The following NGB variants were observed in gnomAD, a reference collection of about 807,000 sequenced individuals.
NGB encodes neuroglobin, also known as nitrite reductase.
A neutral mutation model predicts 17.3 loss-of-function variants in NGB; 12 were observed. The ratio of observed to expected loss-of-function variants is 0.69; its 90% CI spans 0.45 to 1.13. The LOEUF (loss-of-function observed/expected upper bound fraction) is 1.13, where lower values mean the gene tolerates loss of function less well. Among genes scored for constraint, NGB ranks in the 50% most tolerant of loss-of-function variants. The pLI is 0.00. For synonymous variants in NGB, 87 were observed against 81.0 expected (o/e 1.07, Z -0.40); for missense variants, 195 against 191.7 (o/e 1.02, Z -0.10).
chr14:77,268,393 C>A lies in NGB; in HGVS notation c.321+73G>T. The A allele has an allele frequency of 7.2e-6, 11 of 1,520,246 alleles. No individual in the cohort carries two copies. The South Asian group carries it at 1.3e-4, about 18-fold the overall frequency. The allele number at this position is 1,520,246 out of a possible 1,614,324, so 94.2% of individuals were successfully genotyped here. ...TGGGAATGGGAGAGAGAACAGGTGG[C>A]AAGGGGAGGTCTGGGAGAGAGAAGT... On this transcript the variant is annotated intron_variant, in intron 3 of 3. Coordinates refer to ENST00000298352, the MANE Select transcript of NGB (RefSeq NM_021257.4).
Position 77,271,095 on chromosome 14 carries a change from C to T in NGB, c.-158G>A, listed in dbSNP as rs1254927096. On this transcript the variant is annotated 5_prime_UTR_variant, in exon 1 of 4. Transcript: ENST00000298352. ...GGGGCCGCAGCCGCTCCTTCCCTGG[C>T]GCGGGAGAGAAAAGGCGCGCGGCCA... is the stretch of plus-strand genomic sequence containing the variant. 5.6e-6 allele frequency: 3 copies of T among 538,718 alleles called. No individual in the cohort carries two copies. Among genetic ancestry groups the T allele is most frequent in the Non-Finnish European group, 9.4e-6 (3 of 318,440 alleles). The allele number at this position is 538,718 out of a possible 1,614,324, so 33.4% of individuals were successfully genotyped here.
intron 2 of NGB, 25 bp downstream of exon 2, chr14:77,269,190 C>A: frequency 7.0e-7 from 1 of 1,422,850 alleles, no homozygotes; most frequent in South Asian, 1.2e-5. Flanking sequence ...TCCCAGAGGT[C>A]ACAGCAGCTC....
rs1323190020 is a variant in NGB, at chr14:77,270,852, G to A, written c.86C>T (p.Ala29Val). The A allele has an allele frequency of 4.4e-6, 7 of 1,582,462 alleles. No individual in the cohort carries two copies. Among genetic ancestry groups the A allele is most frequent in the Non-Finnish European group, 6.0e-6 (7 of 1,170,424 alleles). The part of the protein sequence containing the change: ...SPLEHGTVLF[A>V]RLFALEPDLL... Reference sequence around the variant, plus strand: ...CGGGCGCTCGTGTAGCCCTCACCTGGCAAACAGGACGGTGCCGTGCTCCAG... The same window carrying A: ...CGGGCGCTCGTGTAGCCCTCACCTGACAAACAGGACGGTGCCGTGCTCCAG... Residue 29 changes from alanine to valine, a missense_variant, in exon 1 of 4, where the codon GCC (alanine) becomes GTC (valine). Coordinates refer to ENST00000298352, the MANE Select transcript of NGB (RefSeq NM_021257.4).
At position 77,270,948 on chromosome 14, in the gene NGB, G is replaced by T. The variant is rs1411257949; in HGVS notation, c.-11C>A. On this transcript the variant is annotated 5_prime_UTR_variant, in exon 1 of 4. Coordinates refer to ENST00000298352, the MANE Select transcript of NGB (RefSeq NM_021257.4). ...CTCCGGGCGCTCCATGCTGTCCCGG[G>T]GACGCGGAGCGCGGGGCTGGGACCC... 1 of 1,524,998 alleles carries T rather than the reference G, an allele frequency of 6.6e-7. No individual in the cohort carries two copies. Among genetic ancestry groups the T allele is most frequent in the Non-Finnish European group, 8.8e-7 (1 of 1,141,424 alleles). The allele number at this position is 1,524,998 out of a possible 1,614,324, so 94.5% of individuals were successfully genotyped here.
At chr14:77,270,436 C>G (rs1216876146) in intron 1 of NGB, among the ~76,000 whole-genome samples, 1 of 152,250 alleles carries the variant, frequency 6.6e-6, no homozygotes, top group Non-Finnish European at 1.5e-5. Flanking sequence ...TCTCCCTTCC[C>G]CGGCTCTCGG....
At chr14:77,268,112 C>T (rs1889698482) in intron 3 of NGB, among the ~76,000 whole-genome samples, 1 of 152,164 alleles carries the variant, frequency 6.6e-6, no homozygotes, top group Admixed American at 6.5e-5. Context: ...CCAGCTACAC[C>T]ATGTGGAGCA....
chr14:77,269,069 C>A, intron 2 of NGB, 146 bp downstream of exon 2: 1 of 588,464 alleles, frequency 1.7e-6, no homozygotes, highest in Non-Finnish European at 3.1e-6. Context: ...ACCAATCCAG[C>A]CCAGAGGGAA....
intron 1 of NGB, among the ~76,000 whole-genome samples, chr14:77,270,566 A>G (rs1370721072): frequency 6.6e-6 from 1 of 152,210 alleles, no homozygotes; most frequent in African/African-American, 2.4e-5. Flanking sequence ...CCACCCGCCC[A>G]GATGTGGGGA....
chr14:77,267,359 G>A (rs138730453), intron 3 of NGB, among the ~76,000 whole-genome samples: 4 of 152,182 alleles, frequency 2.6e-5, no homozygotes, highest in Non-Finnish European at 4.4e-5. Context: ...TGGTAAACAT[G>A]GGAAAACTCC....
chr14:77,269,266 G>A lies in NGB; in HGVS notation c.150C>T (p.Ser50=). Residue 50 remains serine, a synonymous_variant, in exon 2 of 4, where the codon TCC becomes TCT. Transcript: ENST00000298352. ...GCGAGGAGAGACAGTCCTCTGGGCT[G>A]GAGAACTGGCGGCAGTTGTACTGGA... ...PLFQYNCRQF[S]SPEDCLSSPE... 6.4e-7 allele frequency: 1 copy of A among 1,551,934 alleles called. No individual in the cohort carries two copies. The highest frequency in any genetic ancestry group is 8.7e-7 in the Non-Finnish European group (1 of 1,147,008).
chr14:77,271,004 C>T lies in NGB; in HGVS notation c.-67G>A, dbSNP rs1396058008. The T allele has an allele frequency of 1.7e-6, 2 of 1,211,598 alleles. No homozygotes were observed. Among genetic ancestry groups the T allele is most frequent in the East Asian group, 6.0e-5 (2 of 33,244 alleles). 75.1% of individuals were successfully genotyped at this position (1,211,598 alleles called of 1,614,324 possible). ...GCTCGGGTGCCGTCACCGCACGTGC[C>T]GCGCCATCTCCTCCGCGACGCGGTC... On this transcript the variant is annotated 5_prime_UTR_variant, in exon 1 of 4. Transcript: ENST00000298352.
At chr14:77,269,084 G>C in intron 2 of NGB, 131 bp downstream of exon 2, 1 of 628,904 alleles carries the variant, frequency 1.6e-6, no homozygotes, top group Non-Finnish European at 2.9e-6. Flanking sequence ...AGGGAAAGGA[G>C]CTGTACCCTG....
At chr14:77,270,806 G>A (rs1219266650) in intron 1 of NGB, 43 bp downstream of exon 1, 2 of 1,487,418 alleles carry the variant, frequency 1.3e-6, no homozygotes, top group Non-Finnish European at 1.8e-6. Context: ...TTCCCGCCGA[G>A]GCAGCCTCCA....
chr14:77,266,755 C>G (rs1208889385), intron 3 of NGB, 85 bp from the exon 4 acceptor site: 3 of 1,465,252 alleles, frequency 2.0e-6, no homozygotes, highest in Admixed American at 4.4e-5. Context: ...AGGCCTAGGA[C>G]TGATTAGGGC....
rs754978952 is a variant in NGB, at chr14:77,266,194, AG to A, written c.*341del. 1.2e-5 allele frequency: 7 copies of A among 565,716 alleles called. No individual in the cohort carries two copies. Among genetic ancestry groups the A allele is most frequent in the Non-Finnish European group, 2.5e-5 (7 of 283,122 alleles). 35.0% of individuals were successfully genotyped at this position (565,716 alleles called of 1,614,324 possible). A position where few individuals can be genotyped will look rare whatever the true frequency, so the allele number is the denominator to read the frequency against. ...CCTGAAGAAGCAGGACAGACAGAAG[AG>A]CCCCATCCTCTCCCACCTCCATACC... is the stretch of plus-strand genomic sequence containing the variant. On this transcript the variant is annotated 3_prime_UTR_variant, in exon 4 of 4. Transcript: ENST00000298352.
chr14:77,269,940 G>C (rs1889745200), intron 1 of NGB, among the ~76,000 whole-genome samples: 1 of 151,058 alleles, frequency 6.6e-6, no homozygotes, highest in Non-Finnish European at 1.5e-5. Context: ...GGGGAGGCTA[G>C]AACTCGCCTA....
intron 1 of NGB, among the ~76,000 whole-genome samples, chr14:77,269,549 G>C (rs7149300): frequency 0.031 from 4,745 of 152,208 alleles, 238 homozygotes; most frequent in African/African-American, 0.11. Context: ...GGGCAAATGT[G>C]TCCCAGGGCC....
Position 77,270,895 on chromosome 14 carries a change from C to A in NGB, c.43G>T (p.Ala15Ser). 1 of 1,584,188 alleles carries A rather than the reference C, an allele frequency of 6.3e-7. No individual in the cohort carries two copies. Among genetic ancestry groups the A allele is most frequent in the Non-Finnish European group, 8.5e-7 (1 of 1,171,952 alleles). Residue 15 changes from alanine to serine, a missense_variant, in exon 1 of 4, where the codon GCA becomes TCA. By Grantham distance (99) the Ala-to-Ser change is moderately conservative. Coordinates refer to ENST00000298352, the MANE Select transcript of NGB (RefSeq NM_021257.4). ...EPELIRQSWR[A>S]VSRSPLEHGT... ...TGCTCCAGCGGGCTGCGGCTCACTG[C>A]CCGCCAGCTCTGCCGGATCAGCTCG...
Position 77,269,302 on chromosome 14 carries a change from C to T in NGB, c.114G>A (p.Leu38=). The change falls in exon 2 of 4, where the codon CTG becomes CTA. Residue 38 remains leucine (L), a synonymous_variant. Transcript: ENST00000298352. ...FARLFALEPD[L]LPLFQYNCRQ... ...GGCAGTTGTACTGGAAGAGGGGCAG[C>T]AGGTCAGGCTCCAGGGCAAACAGCC... is the stretch of plus-strand genomic sequence containing the variant. 6.4e-7 allele frequency: 1 copy of T among 1,551,242 alleles called. No homozygotes were observed. The highest frequency in any genetic ancestry group is 1.4e-5 in the African/African-American group (1 of 73,164).
Sources: allele counts gnomAD v4.1 joint callset (sites outside exome capture counted in the v4.1 genomes callset), GRCh38; gene constraint gnomAD v4.1.1; transcripts MANE v1.5; gene names NCBI Gene and HGNC (gene_info 2026-07-23, HGNC 2026-07-21).